The following DPYD variants were observed in gnomAD, a reference collection of about 807,000 sequenced individuals.
The protein encoded by DPYD is dihydropyrimidine dehydrogenase [NADP(+)].
A neutral mutation model predicts 116.2 loss-of-function variants in DPYD; 109 were observed. The ratio of observed to expected loss-of-function variants is 0.94; its 90% CI spans 0.80 to 1.10. The LOEUF is 1.10. DPYD is among the 50% of genes least tolerant of loss of function. The pLI, the probability that DPYD is intolerant of heterozygous loss-of-function variation, is 0.00. For synonymous variants in DPYD, 440 were observed against 432.0 expected (o/e 1.02, Z -0.23); for missense variants, 1,302 against 1,254.5 (o/e 1.04, Z -0.57).
intron 3 of DPYD, among the ~76,000 whole-genome samples, chr1:97,753,813 T>C (rs1474486857): frequency 1.3e-5 from 2 of 151,902 alleles, no homozygotes; most frequent in Non-Finnish European, 2.9e-5. Flanking sequence ...TGAGGCATAA[T>C]AGATACAATA....
At chr1:97,710,773 C>T (rs1194141331) in intron 5 of DPYD, among the ~76,000 whole-genome samples, 1 of 151,716 alleles carries the variant, frequency 6.6e-6, no homozygotes, top group Admixed American at 6.6e-5. Context: ...AGAGCACTCA[C>T]ATGTCCTAAA....
chr1:97,696,944 G>T (rs1338134025), intron 6 of DPYD, among the ~76,000 whole-genome samples: 1 of 151,982 alleles, frequency 6.6e-6, no homozygotes, highest in East Asian at 1.9e-4. Flanking sequence ...AAATTTGAAA[G>T]AGGTAAAGCA....
At chr1:97,649,822 G>C (rs1418617005) in intron 8 of DPYD, among the ~76,000 whole-genome samples, 3 of 151,752 alleles carry the variant, frequency 2.0e-5, no homozygotes, top group Admixed American at 1.3e-4. Context: ...ACAGAAACTG[G>C]GACACAGGCG....
intron 19 of DPYD, among the ~76,000 whole-genome samples, chr1:97,210,248 T>C (rs1290567999): frequency 6.6e-6 from 1 of 152,166 alleles, no homozygotes; most frequent in Non-Finnish European, 1.5e-5. Flanking sequence ...GAGCGTTTTT[T>C]TCCCTCCCCC....
intron 19 of DPYD, among the ~76,000 whole-genome samples, chr1:97,212,225 C>CCA (rs1484050838): frequency 5.9e-5 from 9 of 152,084 alleles, no homozygotes; most frequent in African/African-American, 1.9e-4. Context: ...CCACTGTTCA[C>CCA]CACCTCCCCA....
chr1:97,102,515 G>A (rs1404983336), intron 20 of DPYD, among the ~76,000 whole-genome samples: 4 of 276 alleles, frequency 0.014, no homozygotes, highest in South Asian at 0.17. Context: ...CCTATTTCGT[G>A]TGTGTGTGTG....
chr1:97,567,372 G>C (rs1652595814), intron 11 of DPYD, among the ~76,000 whole-genome samples: 1 of 151,392 alleles, frequency 6.6e-6, no homozygotes, highest in South Asian at 2.1e-4. Flanking sequence ...TGCAATCAAT[G>C]TTATCAAGGG....
At chr1:97,760,394 C>T in intron 3 of DPYD, among the ~76,000 whole-genome samples, 1 of 151,720 alleles carries the variant, frequency 6.6e-6, no homozygotes, top group East Asian at 1.9e-4. Flanking sequence ...AACTGTAAAG[C>T]AAAATATTCA....
intron 1 of DPYD, among the ~76,000 whole-genome samples, chr1:97,912,985 A>G (rs892438632): frequency 1.3e-5 from 2 of 152,138 alleles, no homozygotes; most frequent in African/African-American, 4.8e-5. Context: ...TCATCAATCA[A>G]CAAACACACT....
intron 13 of DPYD, among the ~76,000 whole-genome samples, chr1:97,499,448 T>C (rs1218007447): frequency 6.6e-6 from 1 of 151,882 alleles, no homozygotes; most frequent in Non-Finnish European, 1.5e-5. Context: ...TCATTTACTA[T>C]GCATATATCT....
chr1:97,335,968 C>T (rs1254594624), intron 16 of DPYD, among the ~76,000 whole-genome samples: 2 of 152,090 alleles, frequency 1.3e-5, no homozygotes, highest in East Asian at 1.9e-4. Flanking sequence ...CCTTGTCCTT[C>T]GTGTCTTTCT....
intron 18 of DPYD, among the ~76,000 whole-genome samples, chr1:97,284,034 C>T (rs1570423457): frequency 6.6e-6 from 1 of 152,144 alleles, no homozygotes; most frequent in East Asian, 1.9e-4. Flanking sequence ...TCACCATTAT[C>T]ATCTCACTAT....
rs1461947450 is a variant in DPYD, at chr1:97,888,752, T to A, written c.40-5378A>T. ...TACAAAGTATTAAAAGAAAAAAAAATGTGAACCATGACTCCTATACCCAAC... is the reference window on the plus strand; with the variant it reads ...TACAAAGTATTAAAAGAAAAAAAAAAGTGAACCATGACTCCTATACCCAAC... On this transcript the variant is annotated intron_variant, in intron 1 of 22. Coordinates refer to ENST00000370192, the MANE Select transcript of DPYD (RefSeq NM_000110.4). 3.3e-5 allele frequency among the ~76,000 whole-genome samples: 5 copies of A among 151,250 alleles called. No homozygotes were observed. In the East Asian group the frequency reaches 7.8e-4, roughly 24 times the overall value.
intron 2 of DPYD, among the ~76,000 whole-genome samples, chr1:97,838,409 T>C (rs1669876584): frequency 6.6e-6 from 1 of 152,188 alleles, no homozygotes; most frequent in South Asian, 2.1e-4. Context: ...GAACATTAGG[T>C]TCACGGAAAC....
At chr1:97,735,650 T>C (rs1171020013) in intron 4 of DPYD, among the ~76,000 whole-genome samples, 1 of 150,794 alleles carries the variant, frequency 6.6e-6, no homozygotes, top group East Asian at 1.9e-4. Context: ...ATTGCGCCAC[T>C]GCACTTCAGC....
At chr1:97,594,908 C>A in intron 9 of DPYD, 151 bp downstream of exon 9, 1 of 605,486 alleles carries the variant, frequency 1.7e-6, no homozygotes, top group Non-Finnish European at 2.9e-6. Context: ...ACTGTTATAC[C>A]CGGCCTTTTT....
chr1:97,257,134 T>A (rs1248289189), intron 18 of DPYD, among the ~76,000 whole-genome samples: 3 of 151,914 alleles, frequency 2.0e-5, no homozygotes, highest in African/African-American at 7.3e-5. Context: ...CATTTGGCAT[T>A]TGAAAGAAGA....
intron 10 of DPYD, among the ~76,000 whole-genome samples, chr1:97,584,062 C>T (rs879617793): frequency 6.6e-6 from 1 of 152,204 alleles, no homozygotes; most frequent in Non-Finnish European, 1.5e-5. Flanking sequence ...TTCTCCACAT[C>T]CTCTCCAGCA....
intron 18 of DPYD, among the ~76,000 whole-genome samples, chr1:97,296,814 G>T (rs1666567677): frequency 6.6e-6 from 1 of 151,996 alleles, no homozygotes; most frequent in East Asian, 1.9e-4. Context: ...TGAGTTTAAG[G>T]AGGAAAAAAG....
Sources: gnomAD v4.1 joint callset for allele counts (sites outside exome capture counted in the v4.1 genomes callset) on GRCh38, gnomAD v4.1.1 for gene constraint, MANE v1.5 for transcripts, NCBI Gene and HGNC (gene_info 2026-07-23, HGNC 2026-07-21) for gene names.